The following TTN variants were observed in gnomAD, a reference collection of about 807,000 sequenced individuals.
TTN encodes the protein titin, also known as connectin.
TTN carries 1,525 observed loss-of-function variants against 3,223.0 expected under a neutral mutation model. The ratio of observed to expected loss-of-function variants is 0.47; its 90% CI spans 0.45 to 0.49. TTN has a LOEUF of 0.49. Among genes scored for constraint, TTN ranks in the 20% least tolerant of loss-of-function variants. TTN has a pLI of 0.00. For synonymous variants in TTN, 14,094 were observed against 15,161.0 expected (o/e 0.93, Z 5.17); for missense variants, 40,786 against 43,424.0 (o/e 0.94, Z 5.40).
rs201080904 is a variant in TTN at position 178,541,539 on chromosome 2, C to T, written c.97538G>A (p.Arg32513His). 934 of 1,612,318 alleles carry T rather than the reference C, an allele frequency of 5.8e-4. 1 individual carries two copies. Among genetic ancestry groups the T allele is most frequent in the Middle Eastern group, 1.3e-3 (8 of 6,046 alleles). The change falls in exon 350 of 363, where the codon CGT (arginine) becomes CAT (histidine). Residue 32513 changes from arginine (R) to histidine (H), a missense_variant. Arg to His is a conservative substitution (Grantham distance 29, BLOSUM62 0). Coordinates refer to ENST00000589042, the MANE Select transcript of TTN (RefSeq NM_001267550.2). ...PETLQIFDVSRDGMTLTWYPP... is the reference protein window; with the variant it reads ...PETLQIFDVSHDGMTLTWYPP... The stretch of plus-strand genomic sequence containing the variant: ...GTACCAAGTAAGTGTCATGCCATCA[C>T]GGGAAACATCAAATATCTGTAATGT...
In TTN at chr2:178,535,603, G is replaced by T. The variant is rs1575296563; in HGVS notation, c.101012C>A (p.Ala33671Asp). 1 of 1,613,676 alleles carries T rather than the reference G, an allele frequency of 6.2e-7. No individual in the cohort carries two copies. Among genetic ancestry groups the T allele is most frequent in the Non-Finnish European group, 8.5e-7 (1 of 1,179,792 alleles). The change falls in exon 358 of 363, where the codon GCT becomes GAT. Residue 33671 changes from alanine to aspartate, a missense_variant. Coordinates refer to ENST00000589042, the MANE Select transcript of TTN (RefSeq NM_001267550.2). ...RKDAGFYVVC[A>D]KNRFGIDQKT... ...CTGATCAATTCCAAATCTGTTTTTA[G>T]CACAGACCACATAGAAACCAGCATC...
At chr2:178,672,844 G>T in intron 152 of TTN, 141 bp from the exon 153 acceptor site, 2 of 591,470 alleles carry the variant, frequency 3.4e-6, no homozygotes, top group Non-Finnish European at 2.8e-6. Context: ...CATTTTAGAG[G>T]CAATAAAGAT....
At chr2:178,701,324 C>G (rs66521408) in intron 110 of TTN, 121 bp from the exon 111 acceptor site, 17 of 1,046,204 alleles carry the variant, frequency 1.6e-5, no homozygotes, top group Non-Finnish European at 2.3e-5. Context: ...ATTCATCAGT[C>G]GGAACAAATA....
chr2:178,737,492 G>A (rs2081705711), intron 49 of TTN: 2 of 152,182 alleles, frequency 1.3e-5, no homozygotes, highest in African/African-American at 2.4e-5. Flanking sequence ...AGTAGAGATC[G>A]GGTTTCACTG....
Position 178,696,162 on chromosome 2 carries a change from G to A in TTN, c.30910C>T (p.Gln10304Ter), listed in dbSNP as rs1248821053. ...KEKEAVYEKK[Q>*]AVHKEKRVFI... ...ACTCTCTTCTCCTTGTGGACTGCTTGCTTTTTCTCATACACAGCTTCTTTT... is the reference window on the plus strand; with the variant it reads ...ACTCTCTTCTCCTTGTGGACTGCTTACTTTTTCTCATACACAGCTTCTTTT... Residue 10304 changes from glutamine (Q) to a stop codon, truncating the protein, a stop_gained, in exon 114 of 363, where the codon CAA (glutamine) becomes TAA (stop). Transcript: ENST00000589042. LOFTEE classifies it high-confidence loss of function. 1 of 1,555,902 alleles carries A rather than the reference G, an allele frequency of 6.4e-7. No homozygotes were observed. Among genetic ancestry groups the A allele is most frequent in the Admixed American group, 2.0e-5 (1 of 51,252 alleles).
intron 47 of TTN, chr2:178,745,830 A>G (rs1194926258): frequency 1.4e-5 from 22 of 1,613,102 alleles, no homozygotes; most frequent in Non-Finnish European, 1.7e-5. Context: ...ATTGGTGCAT[A>G]ACAGTCAGAA....
chr2:178,615,674 C>T lies in TTN; in HGVS notation c.48427G>A (p.Val16143Ile), dbSNP rs2057207422. The T allele has an allele frequency of 6.2e-7, 1 of 1,612,424 alleles. No homozygotes were observed. The highest frequency in any genetic ancestry group is 8.5e-7 in the Non-Finnish European group (1 of 1,178,954). ...GTTGACATATTTACAGGTTCATCAA[C>T]ATATGCAGGTTCTCCAGGGCCACAT... ...NKCGPGEPAY[V>I]DEPVNMSTPA... Residue 16143 changes from valine (V) to isoleucine (I), a missense_variant, in exon 258 of 363, where the codon GTT becomes ATT. Val to Ile is a conservative substitution (Grantham distance 29). Coordinates refer to ENST00000589042, the MANE Select transcript of TTN (RefSeq NM_001267550.2).
rs974671846 is a variant in TTN, at chr2:178,592,211, C to T, written c.59693G>A (p.Trp19898Ter). Residue 19898 changes from tryptophan (W) to a stop codon, truncating the protein, a stop_gained, in exon 302 of 363, where the codon TGG becomes TAG. Coordinates refer to ENST00000589042, the MANE Select transcript of TTN (RefSeq NM_001267550.2). LOFTEE classifies it high-confidence loss of function. ...ACCACCATCATCCAGTGGTTCTTTC[C>T]AAGTAAGGTAACATGAATCTTTCCT... ...EIRKDSCYLT[W>*]KEPLDDGGSV... The T allele has an allele frequency of 6.2e-7, 1 of 1,611,748 alleles. No individual in the cohort carries two copies.
chr2:178,770,871 T>G, intron 34 of TTN, 196 bp from the exon 35 acceptor site: 1 of 849,440 alleles, frequency 1.2e-6, no homozygotes, highest in Non-Finnish European at 2.0e-6. Context: ...ATGTACATCG[T>G]GAAATGATTT....
chr2:178,681,544 A>G, intron 136 of TTN, 94 bp from the exon 137 acceptor site: 3 of 1,455,672 alleles, frequency 2.1e-6, no homozygotes, highest in African/African-American at 1.4e-5. Context: ...ATACAACATA[A>G]TATTCCCAAA....
In TTN at chr2:178,581,531, A is replaced by G; in HGVS notation, c.66737T>C (p.Val22246Ala). ...NKIGYSDPSD[V>A]PDKHYPKDIL... ...GTCCTTGGGATAGTGTTTATCTGGC[A>G]CATCACTGGGGTCACTGTATCCAAT... The change falls in exon 316 of 363, where the codon GTG (valine) becomes GCG (alanine). Residue 22246 changes from valine to alanine, a missense_variant. By Grantham distance (64) the Val-to-Ala change is moderately conservative (BLOSUM62 0). Transcript: ENST00000589042. 6.2e-7 allele frequency: 1 copy of G among 1,606,732 alleles called. No individual in the cohort carries two copies. Among genetic ancestry groups the G allele is most frequent in the Non-Finnish European group, 8.5e-7 (1 of 1,174,720 alleles).
Position 178,564,752 on chromosome 2 carries a change from A to G in TTN, c.81380T>C (p.Ile27127Thr), listed in dbSNP as rs772246317. The change falls in exon 326 of 363, where the codon ATT becomes ACT. Residue 27127 changes from isoleucine to threonine, a missense_variant. Ile to Thr is a moderately conservative substitution (Grantham distance 89). Coordinates refer to ENST00000589042, the MANE Select transcript of TTN (RefSeq NM_001267550.2). The part of the protein sequence containing the change: ...ILWVKLNKTP[I>T]QDTKFKTTGL... ...AGTTGTTTTGAATTTGGTGTCCTGA[A>G]TGGGGGTCTTATTTAACTTGACCCA... 1 of 1,612,758 alleles carries G rather than the reference A, an allele frequency of 6.2e-7. No individual in the cohort carries two copies. The highest frequency in any genetic ancestry group is 1.1e-5 in the South Asian group (1 of 91,016).
rs1558970634 is a variant in TTN, at chr2:178,528,815, T to C, written c.106936A>G (p.Thr35646Ala). ...VKWVLNGVEL[T>A]NSEEYRYGVS... ...CCATATCGGTACTCCTCAGAGTTGG[T>C]AAGCTCTACGCCATTCAGTACCCAT... The change falls in exon 360 of 363, where the codon ACC (threonine) becomes GCC (alanine). Residue 35646 changes from threonine (T) to alanine (A), a missense_variant. Physicochemically the swap from Thr to Ala is moderately conservative, Grantham distance 58. Coordinates refer to ENST00000589042, the MANE Select transcript of TTN (RefSeq NM_001267550.2). 6.2e-7 allele frequency: 1 copy of C among 1,613,824 alleles called. No individual in the cohort carries two copies. Among genetic ancestry groups the C allele is most frequent in the Non-Finnish European group, 8.5e-7 (1 of 1,179,780 alleles).
intron 312 of TTN, 63 bp from the exon 313 acceptor site, chr2:178,583,290 T>A (rs1255642879): frequency 6.5e-6 from 9 of 1,374,222 alleles, no homozygotes; most frequent in Admixed American, 2.7e-5. Context: ...TCCTTATTAA[T>A]AATAGTGGGA....
Position 178,739,143 on chromosome 2 carries a change from C to T in TTN, c.14090G>A (p.Arg4697Lys). 1 of 1,505,958 alleles carries T rather than the reference C, an allele frequency of 6.6e-7. No homozygotes were observed. The highest frequency in any genetic ancestry group is 8.9e-7 in the Non-Finnish European group (1 of 1,128,948). The allele number at this position is 1,505,958 out of a possible 1,614,324, so 93.3% of individuals were successfully genotyped here. Residue 4697 changes from arginine to lysine, a missense_variant and splice_region_variant, in exon 48 of 363, where the codon AGA (arginine) becomes AAA (lysine). Arg to Lys is a conservative substitution (Grantham distance 26). Coordinates refer to ENST00000589042, the MANE Select transcript of TTN (RefSeq NM_001267550.2). Reference sequence around the variant, plus strand: ...CTATTTTATCCTTAAAATCCAACCTCTTTTTACTACAGTGAGTTTGGCTGA... The same window carrying T: ...CTATTTTATCCTTAAAATCCAACCTTTTTTTACTACAGTGAGTTTGGCTGA... Reference protein sequence around the residue: ...ATSAKLTVVKRAAPVIKRKIE... With the variant: ...ATSAKLTVVKKAAPVIKRKIE...
chr2:178,783,684 T>C, intron 17 of TTN, 36 bp downstream of exon 17: 2 of 1,551,616 alleles, frequency 1.3e-6, no homozygotes, highest in Non-Finnish European at 8.9e-7. Flanking sequence ...TGAGGAGATA[T>C]GAATAGGGTC....
intron 7 of TTN, 43 bp from the exon 8 acceptor site, chr2:178,794,594 T>C: frequency 6.2e-7 from 1 of 1,612,976 alleles, no homozygotes; most frequent in Non-Finnish European, 8.5e-7. Context: ...TTAAATGACA[T>C]GCCCAGTAGA....
Position 178,577,459 on chromosome 2 carries a change from T to G in TTN, c.68876A>C (p.Lys22959Thr). The change falls in exon 324 of 363, where the codon AAA becomes ACA. Residue 22959 changes from lysine to threonine, a missense_variant. Transcript: ENST00000589042. ...DPTIKDGLTIKAGDTIVLNAI... is the reference protein window; with the variant it reads ...DPTIKDGLTITAGDTIVLNAI... ...ATTCAAAACAATGGTATCCCCTGCT[T>G]TAATTGTTAGCCCATCTTTTATTGT... is the stretch of plus-strand genomic sequence containing the variant. 1 of 1,601,454 alleles carries G rather than the reference T, an allele frequency of 6.2e-7. No homozygotes were observed.
Position 178,591,472 on chromosome 2 carries a change from T to C in TTN, c.60253A>G (p.Ile20085Val), listed in dbSNP as rs794729466. Residue 20085 changes from isoleucine to valine, a missense_variant, in exon 304 of 363, where the codon ATT becomes GTT. Coordinates refer to ENST00000589042, the MANE Select transcript of TTN (RefSeq NM_001267550.2). ...CCAGCCTTTACCACAAGACCTTCAA[T>C]TAATTTCACATCTAGCTCCACGGAT... The part of the protein sequence containing the change: ...PPSVELDVKL[I>V]EGLVVKAGTT... The C allele has an allele frequency of 6.3e-7, 1 of 1,587,074 alleles. No homozygotes were observed. Among genetic ancestry groups the C allele is most frequent in the Admixed American group, 1.9e-5 (1 of 53,414 alleles).
Sources: allele counts gnomAD v4.1 joint callset, GRCh38; gene constraint gnomAD v4.1.1; transcripts MANE v1.5; gene names NCBI Gene and HGNC (gene_info 2026-07-23, HGNC 2026-07-21).